The following ACSBG1 variants were observed in gnomAD, a reference collection of about 807,000 sequenced individuals.
ACSBG1 encodes the protein acyl-CoA synthetase bubblegum family member 1, also known as long-chain-fatty-acid--CoA ligase ACSBG1.
Under a neutral mutation model 80.2 loss-of-function variants are expected in ACSBG1, and 39 were observed. The observed-to-expected ratio is 0.49, with a 90% CI of 0.38 to 0.64. The LOEUF (loss-of-function observed/expected upper bound fraction) is 0.64, where lower values mean the gene tolerates loss of function less well. Among genes scored for constraint, ACSBG1 ranks in the 30% least tolerant of loss-of-function variants. ACSBG1 has a pLI of 0.00. For synonymous variants in ACSBG1, 392 were observed against 379.5 expected (o/e 1.03, Z -0.38); for missense variants, 828 against 966.4 (o/e 0.86, Z 1.90).
chr15:78,207,766 C>T (rs1043181914), intron 2 of ACSBG1: 3 of 542,176 alleles, frequency 5.5e-6, no homozygotes, highest in African/African-American at 3.8e-5. Context: ...TTCTTCCCAG[C>T]TTTCTTGAAG....
rs535758873 is a variant in ACSBG1 at position 78,177,768 on chromosome 15, C to T, written c.1702+846G>A. Among the ~76,000 whole-genome samples the T allele has an allele frequency of 1.3e-5, 2 of 152,306 alleles. No individual in the cohort carries two copies. Among genetic ancestry groups the T allele is most frequent in the East Asian group, 3.9e-4 (2 of 5,182 alleles). On this transcript the variant is annotated intron_variant, in intron 11 of 13. Coordinates refer to ENST00000258873, the MANE Select transcript of ACSBG1 (RefSeq NM_015162.5). The surrounding 1 kb of genome is among the most constrained non-coding windows in gnomAD (Gnocchi z 4.1). ...TGCATGATGTCCACAAAGTAGTTTA[C>T]CCACTCAACTTAGCTTCAGTTTCCC...
At chr15:78,228,982 A>T (rs1407624433) in intron 1 of ACSBG1, among the ~76,000 whole-genome samples, 2 of 152,256 alleles carry the variant, frequency 1.3e-5, no homozygotes, top group Non-Finnish European at 2.9e-5. Context: ...CATTTTAAAA[A>T]AATGTTTGTA....
intron 1 of ACSBG1, among the ~76,000 whole-genome samples, chr15:78,222,890 A>G (rs1567099746): frequency 1.3e-5 from 2 of 152,190 alleles, no homozygotes; most frequent in Non-Finnish European, 2.9e-5. Flanking sequence ...AGGTGAAAGA[A>G]TGACATTTTT....
intron 1 of ACSBG1, among the ~76,000 whole-genome samples, chr15:78,215,735 A>AAAGAAAGAAAGG (rs1567096250): frequency 1.6e-5 from 2 of 125,254 alleles, no homozygotes; most frequent in Non-Finnish European, 3.5e-5. Context: ...AGAAAGAAAG[A>AAAGAAAGAAAGG]AAGAAAGAAA....
Position 78,174,498 on chromosome 15 carries a change from T to C in ACSBG1, c.1729A>G (p.Asn577Asp), listed in dbSNP as rs1445103248. 6.2e-7 allele frequency: 1 copy of C among 1,613,906 alleles called. No homozygotes were observed. Among genetic ancestry groups the C allele is most frequent in the Non-Finnish European group, 8.5e-7 (1 of 1,180,016 alleles). Reference protein sequence around the residue: ...KELIITAGGENVPPVPIEEAV... With the variant: ...KELIITAGGEDVPPVPIEEAV... ...TCCTCGATGGGCACAGGGGGCACATTCTCCCCACCAGCTGTGATGATTAAT... is the reference window on the plus strand; with the variant it reads ...TCCTCGATGGGCACAGGGGGCACATCCTCCCCACCAGCTGTGATGATTAAT... The change falls in exon 12 of 14, where the codon AAT becomes GAT. Residue 577 changes from asparagine to aspartate, a missense_variant. By Grantham distance (23) the Asn-to-Asp change is conservative. Transcript: ENST00000258873.
chr15:78,196,277 G>A (rs963709602), intron 2 of ACSBG1, among the ~76,000 whole-genome samples: 6 of 152,338 alleles, frequency 3.9e-5, no homozygotes, highest in South Asian at 2.1e-4. Context: ...CCCATATCCC[G>A]GGATGCTAGC....
chr15:78,184,433 T>C (rs2074979555), intron 5 of ACSBG1, among the ~76,000 whole-genome samples: 1 of 152,154 alleles, frequency 6.6e-6, no homozygotes. Context: ...TCCTTCTGCC[T>C]TGGCCTCCCA....
In ACSBG1 at chr15:78,170,614, T is replaced by C. The variant is rs1307785146; in HGVS notation, c.*830A>G. On this transcript the variant is annotated 3_prime_UTR_variant, in exon 14 of 14. Transcript: ENST00000258873. ...TTTTGGCTCAGCTTGCTACTGAGAA[T>C]GGCTGCTTCCCGTATTCAGAATGGA... 1 of 152,384 alleles carries C rather than the reference T, an allele frequency of 6.6e-6. No homozygotes were observed. 9.4% of individuals were successfully genotyped at this position (152,384 alleles called of 1,614,324 possible). A position where few individuals can be genotyped will look rare whatever the true frequency, so the allele number is the denominator to read the frequency against.
intron 2 of ACSBG1, 74 bp downstream of exon 2, chr15:78,207,928 A>ACCCCCCCCCCC: frequency 5.2e-6 from 2 of 383,788 alleles, no homozygotes. Context: ...CCCCCACACC[A>ACCCCCCCCCCC]CCCACCCCTC....
At chr15:78,213,726 C>G (rs2075285903) in intron 1 of ACSBG1, 2 of 152,294 alleles carry the variant, frequency 1.3e-5, no homozygotes, top group Admixed American at 1.3e-4. Context: ...TCATCCTTGG[C>G]AGAGCCTTGG....
At position 78,182,570 on chromosome 15, in the gene ACSBG1, G is replaced by C. The variant is rs150115123; in HGVS notation, c.790C>G (p.Leu264Val). Residue 264 changes from leucine to valine, a missense_variant, in exon 7 of 14, where the codon CTG (leucine) becomes GTG (valine). Physicochemically the swap from Leu to Val is conservative, Grantham distance 32. Around this residue, in one of 3 missense-constraint regions of ACSBG1, gnomAD observed 356 missense variants for 363.5 expected, o/e 0.98. Transcript: ENST00000258873. ...ELGNEVPEEA[L>V]DAIIDTQQPN... is the part of the protein sequence containing the mutation. ...TGCTGGGTGTCAATGATGGCGTCCA[G>C]GGCTTCCTCAGGCACTTCATTCCCC... The C allele has an allele frequency of 2.5e-6, 4 of 1,614,142 alleles. No individual in the cohort carries two copies. Among genetic ancestry groups the C allele is most frequent in the Non-Finnish European group, 2.5e-6 (3 of 1,180,004 alleles).
Position 78,231,919 on chromosome 15 carries a change from A to T in ACSBG1, c.131+2452T>A, listed in dbSNP as rs114211966. On this transcript the variant is annotated intron_variant, in intron 1 of 13. Coordinates refer to ENST00000258873, the MANE Select transcript of ACSBG1 (RefSeq NM_015162.5). ...TGACTTTAGAACAATGTTTTACAAG[A>T]ATTAAGTTCTTTTCTCACAGCTGCT... is the stretch of plus-strand genomic sequence containing the variant. 3.6e-3 allele frequency among the ~76,000 whole-genome samples: 546 copies of T among 152,250 alleles called. 4 individuals carry two copies. Among genetic ancestry groups the T allele is most frequent in the African/African-American group, 0.013 (526 of 41,520 alleles).
At chr15:78,187,729 G>T (rs2075019315) in intron 5 of ACSBG1, among the ~76,000 whole-genome samples, 2 of 152,298 alleles carry the variant, frequency 1.3e-5, no homozygotes, top group Admixed American at 1.3e-4. Context: ...TGCTGAATGG[G>T]CAAAAACTGG....
intron 2 of ACSBG1, among the ~76,000 whole-genome samples, chr15:78,197,938 T>C (rs2075130133): frequency 1.3e-5 from 2 of 152,246 alleles, no homozygotes; most frequent in South Asian, 4.2e-4. Context: ...CACGCTCCTC[T>C]GTATTCACCT....
In ACSBG1 at chr15:78,212,777, G is replaced by A. The variant is rs781565374; in HGVS notation, c.132-4675C>T. ...ACCGCTGGCAGCCTGGCTGGGCGAG[G>A]GGACAGCTGCCCTCTTTCCTGGCTA... On this transcript the variant is annotated intron_variant, in intron 1 of 13. Coordinates refer to ENST00000258873, the MANE Select transcript of ACSBG1 (RefSeq NM_015162.5). 4 of 334,820 alleles carry A rather than the reference G, an allele frequency of 1.2e-5. No individual in the cohort carries two copies. In the Admixed American group the frequency reaches 1.5e-4, roughly 12 times the overall value. The allele number at this position is 334,820 out of a possible 1,614,324, so 20.7% of individuals were successfully genotyped here.
Position 78,180,773 on chromosome 15 carries a change from T to C in ACSBG1, c.1235A>G (p.Asn412Ser). The C allele has an allele frequency of 6.2e-7, 1 of 1,614,048 alleles. No individual in the cohort carries two copies. Among genetic ancestry groups the C allele is most frequent in the Non-Finnish European group, 8.5e-7 (1 of 1,180,002 alleles). Residue 412 changes from asparagine (N) to serine (S), a missense_variant, in exon 9 of 14, where the codon AAC (asparagine) becomes AGC (serine). This residue lies in a region of ACSBG1 where 271 missense variants were observed against 375.9 expected (regional missense o/e 0.72). Transcript: ENST00000258873. ...TCTGTACCTGCCGGGGCAGGTGAGGTTCTGCTCCAAGGTCACCGACATGGC... is the reference window on the plus strand; with the variant it reads ...TCTGTACCTGCCGGGGCAGGTGAGGCTCTGCTCCAAGGTCACCGACATGGC... Reference protein sequence around the residue: ...LWAMSVTLEQNLTCPGSDLKP... With the variant: ...LWAMSVTLEQSLTCPGSDLKP...
At chr15:78,207,146 T>C (rs1021260340) in intron 2 of ACSBG1, among the ~76,000 whole-genome samples, 27 of 152,218 alleles carry the variant, frequency 1.8e-4, no homozygotes, top group Admixed American at 1.6e-3. Context: ...AAGCTGTCCC[T>C]GTTCCTGGCC....
At chr15:78,202,004 A>G (rs2075173080) in intron 2 of ACSBG1, among the ~76,000 whole-genome samples, 1 of 152,134 alleles carries the variant, frequency 6.6e-6, no homozygotes, top group Non-Finnish European at 1.5e-5. Context: ...CCACTTGCAG[A>G]GATCAGGATG....
Position 78,173,582 on chromosome 15 carries a change from G to C in ACSBG1, c.2089+11C>G. The C allele has an allele frequency of 6.2e-7, 1 of 1,613,590 alleles. No individual in the cohort carries two copies. Among genetic ancestry groups the C allele is most frequent in the Non-Finnish European group, 8.5e-7 (1 of 1,179,736 alleles). On this transcript the variant is annotated intron_variant, in intron 13 of 13. Transcript: ENST00000258873. ...ACACAGCCCTTGCAATGGTGAAAAG[G>C]AAAAACCTACCCAACTCTCCACCCG...
Sources: allele counts gnomAD v4.1 joint callset (sites outside exome capture counted in the v4.1 genomes callset), GRCh38; gene constraint gnomAD v4.1.1; regional missense constraint gnomAD v4.1.1; non-coding constraint Gnocchi (gnomAD v3.1); transcripts MANE v1.5; gene names NCBI Gene and HGNC (gene_info 2026-07-23, HGNC 2026-07-21).